BEND3: variants seen among roughly 807,000 people sequenced by gnomAD.
BEND3 encodes BEN domain-containing protein 3.
Under a neutral mutation model 60.1 loss-of-function variants are expected in BEND3, and 13 were observed. The observed-to-expected ratio is 0.22, with a 90% CI of 0.14 to 0.34. BEND3 has a LOEUF of 0.34. Among genes scored for constraint, BEND3 ranks in the 10% least tolerant of loss-of-function variants. BEND3 has a pLI of 1.00. For missense variants in BEND3, 896 were observed against 1,138.1 expected, an observed-to-expected ratio of 0.79 and a Z score of 3.06; for synonymous variants, 497 against 491.5, an observed-to-expected ratio of 1.01 and a Z score of -0.15.
chr6:107,101,576 C>T (rs939606046), intron 1 of BEND3, among the ~76,000 whole-genome samples: 17 of 152,272 alleles, frequency 1.1e-4, no homozygotes, highest in Admixed American at 3.9e-4. Context: ...CCATCTCCTA[C>T]CTGAAAAAAC....
intron 3 of BEND3, among the ~76,000 whole-genome samples, chr6:107,080,048 T>G (rs1582648111): frequency 1.3e-5 from 2 of 152,124 alleles, no homozygotes; most frequent in South Asian, 2.1e-4. Flanking sequence ...CTTTTTTGAT[T>G]ATCACTGGCT....
intron 3 of BEND3, among the ~76,000 whole-genome samples, chr6:107,083,666 A>T (rs569298889): frequency 4.1e-5 from 6 of 147,434 alleles, no homozygotes; most frequent in African/African-American, 1.5e-4. Flanking sequence ...CATAGGTATT[A>T]AAAAAAAAAA....
At chr6:107,107,613 C>A (rs1375870325) in intron 1 of BEND3, among the ~76,000 whole-genome samples, 3 of 152,142 alleles carry the variant, frequency 2.0e-5, no homozygotes, top group African/African-American at 7.2e-5. Context: ...CAGGTGGGCA[C>A]CACCATGCCT....
At chr6:107,100,558 T>C (rs1775683109) in intron 1 of BEND3, among the ~76,000 whole-genome samples, 1 of 152,184 alleles carries the variant, frequency 6.6e-6, no homozygotes, top group Non-Finnish European at 1.5e-5. Flanking sequence ...TGAGCCATTG[T>C]GCCCAGCCTA....
chr6:107,089,325 G>A (rs948608219), intron 3 of BEND3, among the ~76,000 whole-genome samples: 3 of 151,882 alleles, frequency 2.0e-5, no homozygotes, highest in Non-Finnish European at 1.5e-5. Context: ...TCTCACACCT[G>A]TAATCCCAGC....
At chr6:107,097,115 C>G (rs980268994) in intron 3 of BEND3, among the ~76,000 whole-genome samples, 1 of 152,120 alleles carries the variant, frequency 6.6e-6, no homozygotes, top group Non-Finnish European at 1.5e-5. Flanking sequence ...ACCTGTAATC[C>G]GAACACTTTG....
At chr6:107,113,232 C>A (rs1192664724) in intron 1 of BEND3, among the ~76,000 whole-genome samples, 4 of 151,278 alleles carry the variant, frequency 2.6e-5, no homozygotes, top group African/African-American at 9.7e-5. Flanking sequence ...ACCTGAGGTC[C>A]GGAAACCAGC....
At chr6:107,082,810 A>C (rs1409711001) in intron 3 of BEND3, among the ~76,000 whole-genome samples, 1 of 152,198 alleles carries the variant, frequency 6.6e-6, no homozygotes, top group Non-Finnish European at 1.5e-5. Context: ...TGATACACTA[A>C]ACTTTGTCTT....
intron 1 of BEND3, among the ~76,000 whole-genome samples, chr6:107,108,324 T>TA (rs1199052985): frequency 6.6e-6 from 1 of 152,208 alleles, no homozygotes; most frequent in Non-Finnish European, 1.5e-5. Flanking sequence ...AAGTTCCACT[T>TA]ACGTTCTCCC....
chr6:107,112,044 C>CA (rs1770113898), intron 1 of BEND3, among the ~76,000 whole-genome samples: 1 of 151,942 alleles, frequency 6.6e-6, no homozygotes, highest in African/African-American at 2.4e-5. Context: ...CCCAGCCTCC[C>CA]ATATACAAAC....
intron 3 of BEND3, among the ~76,000 whole-genome samples, chr6:107,089,737 GGCACGCACAATTGT>G (rs1188480990): frequency 2.6e-5 from 4 of 151,278 alleles, no homozygotes; most frequent in African/African-American, 9.7e-5. Context: ...TGGGATAAGA[GGCACGCACAATTGT>G]GCACGGCTAA....
rs540627068 is a variant in BEND3, at chr6:107,065,830, G to A, written c.*2874C>T. The A allele has an allele frequency of 6.6e-6, 1 of 152,298 alleles. No homozygotes were observed. Among genetic ancestry groups the A allele is most frequent in the East Asian group, 1.9e-4 (1 of 5,178 alleles). 9.4% of individuals were successfully genotyped at this position (152,298 alleles called of 1,614,324 possible). ...AAACATAAAAGGAAAGGAAGGTTTG[G>A]AGCCAACACCGAAAGGGGAGGGGCA... On this transcript the variant is annotated 3_prime_UTR_variant, in exon 4 of 4. Transcript: ENST00000369042.
In BEND3 at chr6:107,069,442, G is replaced by C. The variant is rs782679876; in HGVS notation, c.1749C>G (p.Pro583=). 10 of 1,612,430 alleles carry C rather than the reference G, an allele frequency of 6.2e-6. No homozygotes were observed. Among genetic ancestry groups the C allele is most frequent in the Admixed American group, 1.7e-5 (1 of 60,024 alleles). The part of the protein sequence containing the change: ...FASRLLVHLF[P]ELFTHENLRK... ...GCAGGTTCTCGTGCGTGAAGAGCTC[G>C]GGGAACAGGTGCACCAGCAGGCGCG... The change falls in exon 4 of 4, where the codon CCC becomes CCG. Residue 583 remains proline (P), a synonymous_variant. Coordinates refer to ENST00000369042, the MANE Select transcript of BEND3 (RefSeq NM_001367314.1).
At chr6:107,093,646 C>T (rs1366207353) in intron 3 of BEND3, among the ~76,000 whole-genome samples, 2 of 152,184 alleles carry the variant, frequency 1.3e-5, no homozygotes, top group Non-Finnish European at 2.9e-5. Flanking sequence ...CGATGGAACA[C>T]AGTCTTTTCA....
intron 1 of BEND3, among the ~76,000 whole-genome samples, chr6:107,101,195 CTG>C (rs1163235191): frequency 6.6e-6 from 1 of 151,916 alleles, no homozygotes; most frequent in Non-Finnish European, 1.5e-5. Flanking sequence ...GAGTGAGACT[CTG>C]TCTCAAAAAA....
rs538314963 is a variant in BEND3 at position 107,090,212 on chromosome 6, G to A, written c.240+8339C>T. On this transcript the variant is annotated intron_variant, in intron 3 of 3. Transcript: ENST00000369042. Reference sequence around the variant, plus strand: ...AAAAATACAAAACTTAGCTGGGTGTGGTAGCATGTGCCTGTAATTCCAGCT... The same window carrying A: ...AAAAATACAAAACTTAGCTGGGTGTAGTAGCATGTGCCTGTAATTCCAGCT... Among the ~76,000 whole-genome samples the A allele has an allele frequency of 6.0e-4, 92 of 152,220 alleles. 1 individual carries two copies. Among genetic ancestry groups the A allele is most frequent in the African/African-American group, 1.9e-3 (81 of 41,540 alleles).
intron 3 of BEND3, among the ~76,000 whole-genome samples, chr6:107,085,279 C>T (rs1775320098): frequency 6.6e-6 from 1 of 152,164 alleles, no homozygotes; most frequent in South Asian, 2.1e-4. Context: ...CTGTGAGGGT[C>T]CACGGCTTCA....
At chr6:107,071,234 C>T (rs1227718546) in intron 3 of BEND3, among the ~76,000 whole-genome samples, 1 of 152,224 alleles carries the variant, frequency 6.6e-6, no homozygotes, top group Admixed American at 6.5e-5. Context: ...ACTTCCTTTC[C>T]GTCAGAGGGC....
intron 3 of BEND3, among the ~76,000 whole-genome samples, chr6:107,081,513 C>T (rs1361483105): frequency 1.3e-5 from 2 of 152,238 alleles, no homozygotes; most frequent in Non-Finnish European, 2.9e-5. Context: ...TGAGCCACCG[C>T]ACCTGGCCAA....
Sources: gnomAD v4.1 joint callset for allele counts (sites outside exome capture counted in the v4.1 genomes callset) on GRCh38, gnomAD v4.1.1 for gene constraint, MANE v1.5 for transcripts, NCBI Gene and HGNC (gene_info 2026-07-23, HGNC 2026-07-21) for gene names.